ZC3H4: variants seen among roughly 807,000 people sequenced by gnomAD.
ZC3H4 encodes zinc finger CCCH-type containing 4, also known as zinc finger CCCH domain-containing protein 4.
ZC3H4 carries 13 observed loss-of-function variants against 108.3 expected under a neutral mutation model. That is an observed-to-expected ratio of 0.12 (90% CI 0.08 to 0.19). ZC3H4 has a LOEUF of 0.19. Ranked by LOEUF, ZC3H4 falls within the 10% of genes least tolerant of loss-of-function variation. The pLI, the probability that ZC3H4 is intolerant of heterozygous loss-of-function variation, is 1.00. For missense variants in ZC3H4, 1,734 were observed against 1,838.8 expected, an observed-to-expected ratio of 0.94 and a Z score of 1.04; for synonymous variants, 917 against 749.6, an observed-to-expected ratio of 1.22 and a Z score of -3.65.
chr19:47,076,325 GCACACACA>G (rs10531908), intron 11 of ZC3H4, among the ~76,000 whole-genome samples: 3 of 151,146 alleles, frequency 2.0e-5, no homozygotes, highest in Middle Eastern at 3.4e-3. Context: ...GCGCGCGCGC[GCACACACA>G]CACACACACA....
At chr19:47,106,644 T>G (rs2057971798) in intron 2 of ZC3H4, among the ~76,000 whole-genome samples, 2 of 152,192 alleles carry the variant, frequency 1.3e-5, no homozygotes, top group Non-Finnish European at 1.5e-5. Context: ...CAACCCTTTA[T>G]CGTGGCCAGA....
At chr19:47,102,635 T>G (rs2057917823) in intron 2 of ZC3H4, among the ~76,000 whole-genome samples, 1 of 151,926 alleles carries the variant, frequency 6.6e-6, no homozygotes, top group Non-Finnish European at 1.5e-5. Flanking sequence ...GAGTAAAACC[T>G]ACCCAAACAC....
At chr19:47,107,811 T>C (rs994874985) in intron 2 of ZC3H4, among the ~76,000 whole-genome samples, 4 of 152,164 alleles carry the variant, frequency 2.6e-5, no homozygotes, top group Admixed American at 2.0e-4. Context: ...CCTCATTACA[T>C]CACCAGTGAA....
chr19:47,092,207 TAAAC>T (rs745600658), intron 4 of ZC3H4, among the ~76,000 whole-genome samples: 10 of 151,820 alleles, frequency 6.6e-5, no homozygotes, highest in Admixed American at 3.3e-4. Context: ...CCCATCTCAA[TAAAC>T]AAACAAACAA....
intron 5 of ZC3H4, among the ~76,000 whole-genome samples, chr19:47,088,737 T>G (rs1416733613): frequency 6.6e-6 from 1 of 152,002 alleles, no homozygotes; most frequent in Non-Finnish European, 1.5e-5. Flanking sequence ...GTGATTCTCC[T>G]GCCTCCACCT....
chr19:47,110,914 C>T, intron 2 of ZC3H4: 1 of 985,228 alleles, frequency 1.0e-6, no homozygotes, highest in Non-Finnish European at 1.2e-6. Context: ...GCACTTGTGT[C>T]TCTGAATGTG....
intron 8 of ZC3H4, 77 bp from the exon 9 acceptor site, chr19:47,084,532 C>A: frequency 7.1e-7 from 1 of 1,415,680 alleles, no homozygotes. Flanking sequence ...ATAAGAAGCA[C>A]GGGAGAAGGG....
chr19:47,068,052 C>T (rs533826424), intron 14 of ZC3H4, among the ~76,000 whole-genome samples, 183 bp from the exon 15 acceptor site: 5 of 152,270 alleles, frequency 3.3e-5, no homozygotes, highest in East Asian at 1.9e-4. Flanking sequence ...CTAAGGCGCT[C>T]GGTTTATGCC....
intron 9 of ZC3H4, among the ~76,000 whole-genome samples, chr19:47,083,978 T>C (rs2057569079): frequency 6.6e-6 from 1 of 152,164 alleles, no homozygotes; most frequent in African/African-American, 2.4e-5. Context: ...CTCTTCTGTT[T>C]GGATGCTTTA....
chr19:47,112,470 C>A lies in ZC3H4; in HGVS notation c.115G>T (p.Ala39Ser). The change falls in exon 2 of 15, where the codon GCC becomes TCC. Residue 39 changes from alanine (A) to serine (S), a missense_variant. Physicochemically the swap from Ala to Ser is moderately conservative, Grantham distance 99. Coordinates refer to ENST00000253048, the MANE Select transcript of ZC3H4 (RefSeq NM_015168.2). ...CGGTGGTGGAGGAGGTGCGGGGTGG[C>A]CGGGCGGGCGTCGGGGGAACACGGA... ...PPPCSPDARP[A>S]TPHLLHHRLP... 1.7e-6 allele frequency: 2 copies of A among 1,207,506 alleles called. No homozygotes were observed. Among genetic ancestry groups the A allele is most frequent in the Non-Finnish European group, 1.0e-6 (1 of 959,182 alleles). The allele number at this position is 1,207,506 out of a possible 1,614,324, so 74.8% of individuals were successfully genotyped here. A position where few individuals can be genotyped will look rare whatever the true frequency, so the allele number is the denominator to read the frequency against.
chr19:47,083,390 G>A (rs1023596214), intron 9 of ZC3H4, among the ~76,000 whole-genome samples: 4 of 151,544 alleles, frequency 2.6e-5, no homozygotes, highest in African/African-American at 9.7e-5. Context: ...TTGCTTATAT[G>A]TATTTCAAGT....
At chr19:47,084,057 A>G (rs1215822160) in intron 9 of ZC3H4, among the ~76,000 whole-genome samples, 1 of 152,144 alleles carries the variant, frequency 6.6e-6, no homozygotes. Context: ...CATTCACATC[A>G]ACCTCCATAA....
Position 47,066,519 on chromosome 19 carries a change from A to C in ZC3H4, c.3749T>G (p.Leu1250Arg). The C allele has an allele frequency of 6.7e-7, 1 of 1,483,158 alleles. No individual in the cohort carries two copies. The highest frequency in any genetic ancestry group is 9.1e-7 in the Non-Finnish European group (1 of 1,100,864). The allele number at this position is 1,483,158 out of a possible 1,614,324, so 91.9% of individuals were successfully genotyped here. A position where few individuals can be genotyped will look rare whatever the true frequency, so the allele number is the denominator to read the frequency against. The stretch of plus-strand genomic sequence containing the variant: ...CGTCCCGAAGAGGGTGGGCACGGGC[A>C]GGTTGTGCACCCCGGGCTGGGGTGG... ...GAPPQPGVHN[L>R]PVPTLFGTVK... Residue 1250 changes from leucine to arginine, a missense_variant, in exon 15 of 15, where the codon CTG (leucine) becomes CGG (arginine). By Grantham distance (102) the Leu-to-Arg change is moderately radical (BLOSUM62 -2). Around this residue, in one of 9 missense-constraint regions of ZC3H4, gnomAD observed 518 missense variants for 499.6 expected, o/e 1.04. Coordinates refer to ENST00000253048, the MANE Select transcript of ZC3H4 (RefSeq NM_015168.2).
At chr19:47,102,769 C>CAAA (rs199731678) in intron 2 of ZC3H4, among the ~76,000 whole-genome samples, 2,030 of 102,970 alleles carry the variant, frequency 0.02, 35 homozygotes, top group African/African-American at 0.055. Context: ...GGAATTCTGG[C>CAAA]AAAAAAAAAA....
chr19:47,066,488 C>T lies in ZC3H4; in HGVS notation c.3780G>A (p.Lys1260=). Residue 1260 remains lysine, a synonymous_variant, in exon 15 of 15, where the codon AAG becomes AAA. Coordinates refer to ENST00000253048, the MANE Select transcript of ZC3H4 (RefSeq NM_015168.2). The stretch of plus-strand genomic sequence containing the variant: ...TTCCTGAGCCCGTCTTGGGTGTCTG[C>T]TTCACCGTCCCGAAGAGGGTGGGCA... ...LPVPTLFGTV[K]QTPKTGSGSP... is the part of the protein sequence containing the mutation. The T allele has an allele frequency of 6.3e-7, 1 of 1,582,254 alleles. No individual in the cohort carries two copies. Among genetic ancestry groups the T allele is most frequent in the Non-Finnish European group, 8.6e-7 (1 of 1,163,210 alleles).
chr19:47,111,227 G>T (rs1300094883), intron 2 of ZC3H4, among the ~76,000 whole-genome samples: 2 of 152,172 alleles, frequency 1.3e-5, no homozygotes, highest in South Asian at 4.1e-4. Flanking sequence ...GCCCCACCAG[G>T]AAACAGTGGG....
chr19:47,075,209 G>C (rs1206800027), intron 11 of ZC3H4, among the ~76,000 whole-genome samples: 1 of 152,288 alleles, frequency 6.6e-6, no homozygotes, highest in Admixed American at 6.5e-5. Context: ...TCTGAACCCT[G>C]ATATTCCAGG....
In ZC3H4 at chr19:47,064,714, G is replaced by C. The variant is rs1404029909; in HGVS notation, c.*1642C>G. 9.2e-6 allele frequency: 1 copy of C among 108,716 alleles called. No individual in the cohort carries two copies. Among genetic ancestry groups the C allele is most frequent in the Admixed American group, 1.2e-4 (1 of 8,636 alleles). 6.7% of individuals were successfully genotyped at this position (108,716 alleles called of 1,614,324 possible). A position where few individuals can be genotyped will look rare whatever the true frequency, so the allele number is the denominator to read the frequency against. ...GTGGCTGAAGACAAATCTCATTAAT[G>C]ATTGTGTAAAAAAAAAAAAAAAAAA... is the stretch of plus-strand genomic sequence containing the variant. On this transcript the variant is annotated 3_prime_UTR_variant, in exon 15 of 15. Transcript: ENST00000253048.
intron 11 of ZC3H4, among the ~76,000 whole-genome samples, chr19:47,076,345 A>G (rs1278504614): frequency 2.8e-5 from 4 of 142,416 alleles, no homozygotes; most frequent in South Asian, 2.2e-4. Context: ...ACACACACAC[A>G]CTCACACTCT....
Sources: gnomAD v4.1 joint callset for allele counts (sites outside exome capture counted in the v4.1 genomes callset) on GRCh38, gnomAD v4.1.1 for gene constraint, gnomAD v4.1.1 regional missense constraint, MANE v1.5 for transcripts, NCBI Gene and HGNC (gene_info 2026-07-23, HGNC 2026-07-21) for gene names.